The following NFATC3 variants were observed in gnomAD, a reference collection of about 807,000 sequenced individuals.
NFATC3 encodes the protein nuclear factor of activated T-cells, cytoplasmic 3.
Under a neutral mutation model 98.6 loss-of-function variants are expected in NFATC3, and 46 were observed. The observed-to-expected ratio is 0.47, with a 90% CI of 0.37 to 0.60. The LOEUF is 0.60. Among genes scored for constraint, NFATC3 ranks in the 20% least tolerant of loss-of-function variants. NFATC3 has a pLI of 0.00. For synonymous variants in NFATC3, 512 were observed against 472.2 expected (o/e 1.08, Z -1.09); for missense variants, 1,256 against 1,295.5 (o/e 0.97, Z 0.47).
chr16:68,187,035 C>T (rs1251491426), intron 8 of NFATC3, among the ~76,000 whole-genome samples: 1 of 152,238 alleles, frequency 6.6e-6, no homozygotes, highest in Non-Finnish European at 1.5e-5. Flanking sequence ...GCCTGGATCC[C>T]ATGCCTGCAA....
chr16:68,130,503 G>GT (rs372137539), intron 3 of NFATC3, among the ~76,000 whole-genome samples: 4 of 151,874 alleles, frequency 2.6e-5, no homozygotes, highest in Admixed American at 6.6e-5. Flanking sequence ...ATTATTTGGG[G>GT]TTTTTTTGGC....
intron 5 of NFATC3, among the ~76,000 whole-genome samples, chr16:68,171,077 A>G (rs1413347495): frequency 2.0e-5 from 3 of 151,444 alleles, no homozygotes; most frequent in Non-Finnish European, 2.9e-5. Context: ...GCACGATCTC[A>G]GCTCACTGCA....
At position 68,210,885 on chromosome 16, in the gene NFATC3, G is replaced by A. The variant is rs543528606; in HGVS notation, c.3107-15465G>A. ...CAACCTCTGCCTCCCCAGTTCAAGC[G>A]ATTCTTCTGCTTCAGCCTCCCGAGT... is the stretch of plus-strand genomic sequence containing the variant. On this transcript the variant is annotated intron_variant, in intron 9 of 9. Transcript: ENST00000346183. Among the ~76,000 whole-genome samples the A allele has an allele frequency of 5.8e-4, 88 of 151,968 alleles. 1 individual carries two copies. Among genetic ancestry groups the A allele is most frequent in the Admixed American group, 1.6e-3 (24 of 15,232 alleles).
chr16:68,168,688 A>G (rs1435316463), intron 5 of NFATC3, among the ~76,000 whole-genome samples: 1 of 149,184 alleles, frequency 6.7e-6, no homozygotes, highest in South Asian at 2.1e-4. Context: ...GTTTCACCAT[A>G]TTCACCAGGC....
chr16:68,224,347 G>A lies in NFATC3; in HGVS notation c.3107-2003G>A, dbSNP rs185194867. 5.0e-3 allele frequency among the ~76,000 whole-genome samples: 739 copies of A among 148,788 alleles called. 7 individuals carry two copies. The highest frequency in any genetic ancestry group is 0.017 in the African/African-American group (673 of 40,084). ...GCTGGAGTGCAGTGGCACGATCTTG[G>A]CTCACTGCAACCTCCACCCGCCGGG... On this transcript the variant is annotated intron_variant, in intron 9 of 9. Coordinates refer to ENST00000346183, the MANE Select transcript of NFATC3 (RefSeq NM_173165.3).
intron 3 of NFATC3, among the ~76,000 whole-genome samples, chr16:68,146,945 A>G (rs1268748919): frequency 6.6e-6 from 1 of 152,244 alleles, no homozygotes; most frequent in East Asian, 1.9e-4. Context: ...TGGAAATCAG[A>G]TGGGATAATA....
intron 6 of NFATC3, among the ~76,000 whole-genome samples, chr16:68,175,977 C>T (rs1217691025): frequency 6.6e-6 from 1 of 152,024 alleles, no homozygotes; most frequent in Non-Finnish European, 1.5e-5. Context: ...TCTGAATTGA[C>T]CCTTGCTTTT....
Position 68,122,844 on chromosome 16 carries a change from C to CTT in NFATC3, c.962_963dup (p.Gly322LeufsTer12). Reference sequence around the variant, plus strand: ...TGCTTCTGTCCATGGTGGGTCAGGCCTTGGCCCTGCAGTTTTTCCATTTCA... The same window carrying CTT: ...TGCTTCTGTCCATGGTGGGTCAGGCCTTTTGGCCCTGCAGTTTTTCCATTTCA... On this transcript the variant is annotated frameshift_variant, in exon 2 of 10. Transcript: ENST00000346183. LOFTEE classifies it high-confidence loss of function. 6.2e-7 allele frequency: 1 copy of CTT among 1,614,236 alleles called. No homozygotes were observed.
At chr16:68,095,581 C>G (rs571692860) in intron 1 of NFATC3, among the ~76,000 whole-genome samples, 3 of 152,038 alleles carry the variant, frequency 2.0e-5, no homozygotes, top group Non-Finnish European at 4.4e-5. Context: ...CTTGAACTCC[C>G]TACCTCAGGT....
chr16:68,164,618 G>A (rs1476218114), intron 4 of NFATC3, among the ~76,000 whole-genome samples: 1 of 152,156 alleles, frequency 6.6e-6, no homozygotes, highest in African/African-American at 2.4e-5. Flanking sequence ...GGTGGCTCAT[G>A]CCTGTAATCC....
intron 3 of NFATC3, chr16:68,138,812 C>A: frequency 8.1e-7 from 1 of 1,233,622 alleles, no homozygotes; most frequent in Non-Finnish European, 1.0e-6. Flanking sequence ...GCCTTCTATG[C>A]CACATGCTCC....
At chr16:68,171,361 C>T (rs567901706) in intron 5 of NFATC3, among the ~76,000 whole-genome samples, 11 of 152,192 alleles carry the variant, frequency 7.2e-5, no homozygotes, top group South Asian at 2.1e-4. Flanking sequence ...GTTTGTTTTC[C>T]GGACCCTTCT....
intron 3 of NFATC3, among the ~76,000 whole-genome samples, chr16:68,139,103 C>G (rs575411234): frequency 4.3e-4 from 65 of 152,240 alleles, no homozygotes; most frequent in African/African-American, 1.5e-3. Context: ...GCCTTTCTCA[C>G]TTTATACTGA....
rs569564864 is a variant in NFATC3, at chr16:68,117,055, A to G, written c.104-4932A>G. Among the ~76,000 whole-genome samples the G allele has an allele frequency of 2.4e-4, 37 of 152,208 alleles. No homozygotes were observed. In the South Asian group the frequency reaches 3.1e-3, roughly 13 times the overall value. On this transcript the variant is annotated intron_variant, in intron 1 of 9. Transcript: ENST00000346183. ...TAGATTTCCTGCTTCTAATCTGTGG[A>G]CTAGATAAGCATATAATATTATGGG... is the stretch of plus-strand genomic sequence containing the variant.
At chr16:68,112,636 TTTC>T (rs1355634101) in intron 1 of NFATC3, among the ~76,000 whole-genome samples, 66 of 148,956 alleles carry the variant, frequency 4.4e-4, no homozygotes, top group South Asian at 6.3e-4. Flanking sequence ...CTTTTCATTT[TTTC>T]TTTTTCGTTT....
At chr16:68,128,096 T>C (rs991167874) in intron 3 of NFATC3, among the ~76,000 whole-genome samples, 4 of 152,192 alleles carry the variant, frequency 2.6e-5, no homozygotes, top group Admixed American at 2.0e-4. Context: ...TACTAAAATA[T>C]AGAAATGGCT....
intron 3 of NFATC3, among the ~76,000 whole-genome samples, chr16:68,140,755 G>T (rs977802787): frequency 6.6e-6 from 1 of 152,064 alleles, no homozygotes; most frequent in Admixed American, 6.6e-5. Flanking sequence ...TGGTTTAGAA[G>T]CCCATAAGAC....
At chr16:68,142,496 G>A (rs2037806844) in intron 3 of NFATC3, among the ~76,000 whole-genome samples, 2 of 152,018 alleles carry the variant, frequency 1.3e-5, no homozygotes, top group Admixed American at 6.6e-5. Context: ...GGTGACTCAC[G>A]CCTGTAATCC....
intron 4 of NFATC3, 123 bp downstream of exon 4, chr16:68,158,191 A>C: frequency 1.6e-6 from 1 of 624,242 alleles, no homozygotes; most frequent in Non-Finnish European, 2.6e-6. Context: ...TAAATAATGT[A>C]CATTTAGTAC....
Sources: allele counts gnomAD v4.1 joint callset (sites outside exome capture counted in the v4.1 genomes callset), GRCh38; gene constraint gnomAD v4.1.1; transcripts MANE v1.5; gene names NCBI Gene and HGNC (gene_info 2026-07-23, HGNC 2026-07-21).